The following SMYD3 variants were observed in gnomAD, a reference collection of about 807,000 sequenced individuals.
SMYD3 encodes the protein SET and MYND domain containing 3.
In SMYD3, 36 loss-of-function variants were observed where a neutral mutation model predicts 57.7. The ratio of observed to expected loss-of-function variants is 0.62; its 90% CI spans 0.48 to 0.82. The LOEUF is 0.82. Among genes scored for constraint, SMYD3 ranks in the 40% least tolerant of loss-of-function variants. The pLI, the probability that SMYD3 is intolerant of heterozygous loss-of-function variation, is 0.00. For synonymous variants in SMYD3, 211 were observed against 195.0 expected (o/e 1.08, Z -0.68); for missense variants, 515 against 538.8 (o/e 0.96, Z 0.44).
chr1:246,410,481 T>C (rs2066946517), intron 1 of SMYD3, among the ~76,000 whole-genome samples: 1 of 152,240 alleles, frequency 6.6e-6, no homozygotes, highest in African/African-American at 2.4e-5. Flanking sequence ...ATTTATTGAT[T>C]TTCGTATGTT....
chr1:246,466,866 T>A (rs186080432), intron 1 of SMYD3, among the ~76,000 whole-genome samples: 2,249 of 151,596 alleles, frequency 0.015, 79 homozygotes, highest in Admixed American at 0.087. Flanking sequence ...TAATAATTTT[T>A]AAAATTTTTT....
chr1:246,235,641 C>T (rs567367360), intron 5 of SMYD3, among the ~76,000 whole-genome samples: 7 of 152,262 alleles, frequency 4.6e-5, no homozygotes, highest in Non-Finnish European at 7.4e-5. Flanking sequence ...CCTTCCCCTC[C>T]GCAGCATTCC....
At chr1:246,275,839 T>A (rs1449286408) in intron 5 of SMYD3, among the ~76,000 whole-genome samples, 2 of 151,390 alleles carry the variant, frequency 1.3e-5, no homozygotes, top group Non-Finnish European at 2.9e-5. Flanking sequence ...CTGATGCCCA[T>A]GTTTGAATAC....
At chr1:246,196,918 T>C (rs901050753) in intron 5 of SMYD3, among the ~76,000 whole-genome samples, 3 of 152,064 alleles carry the variant, frequency 2.0e-5, no homozygotes, top group African/African-American at 7.2e-5. Context: ...AAATGGCTGC[T>C]TCTAGGATAT....
chr1:246,063,123 G>A (rs61173792), intron 5 of SMYD3, among the ~76,000 whole-genome samples: 12,112 of 152,176 alleles, frequency 0.08, 1,429 homozygotes, highest in African/African-American at 0.26. Context: ...ACTCACAGCT[G>A]CAGTTTATTA....
intron 1 of SMYD3, among the ~76,000 whole-genome samples, chr1:246,444,490 C>T (rs1228620197): frequency 2.6e-5 from 4 of 152,114 alleles, no homozygotes; most frequent in African/African-American, 9.7e-5. Context: ...CTCCCTGAAG[C>T]AATCAAATAT....
intron 7 of SMYD3, among the ~76,000 whole-genome samples, chr1:245,916,168 G>C (rs984395887): frequency 1.3e-5 from 2 of 152,108 alleles, no homozygotes; most frequent in Admixed American, 6.6e-5. Context: ...GAAAAAAAAG[G>C]GGGGGTAGAA....
intron 5 of SMYD3, among the ~76,000 whole-genome samples, chr1:246,239,169 A>T (rs904225655): frequency 1.3e-5 from 2 of 152,162 alleles, no homozygotes; most frequent in Non-Finnish European, 2.9e-5. Flanking sequence ...ACATATGTAT[A>T]CATGTGCCAT....
intron 5 of SMYD3, among the ~76,000 whole-genome samples, chr1:246,218,224 C>A (rs546124852): frequency 1.5e-5 from 2 of 137,916 alleles, no homozygotes; most frequent in Non-Finnish European, 3.2e-5. Context: ...TACAAGAAAA[C>A]CTGTTAAAAA....
At chr1:246,180,752 T>C in intron 5 of SMYD3, among the ~76,000 whole-genome samples, 1 of 83,912 alleles carries the variant, frequency 1.2e-5, no homozygotes, top group Non-Finnish European at 2.1e-5. Context: ...AGAGCAAGAC[T>C]CTGTCTCAAA....
intron 5 of SMYD3, among the ~76,000 whole-genome samples, chr1:246,023,486 A>G (rs1042598745): frequency 2.6e-5 from 4 of 152,222 alleles, no homozygotes; most frequent in Admixed American, 2.0e-4. Context: ...TTTTCAGTAG[A>G]AAAGAGTTGT....
intron 1 of SMYD3, among the ~76,000 whole-genome samples, chr1:246,495,786 C>CA (rs1413914806): frequency 1.3e-5 from 2 of 150,414 alleles, no homozygotes; most frequent in Non-Finnish European, 3.0e-5. Context: ...CCAAAAATAC[C>CA]AAATAAAAAA....
intron 10 of SMYD3, among the ~76,000 whole-genome samples, chr1:245,814,595 A>G (rs1278292903): frequency 6.6e-6 from 1 of 152,156 alleles, no homozygotes; most frequent in Non-Finnish European, 1.5e-5. Context: ...TTTAAACAAC[A>G]TCTTGATCTT....
chr1:245,894,536 C>G (rs144482983), intron 8 of SMYD3, among the ~76,000 whole-genome samples: 1 of 152,234 alleles, frequency 6.6e-6, no homozygotes, highest in Non-Finnish European at 1.5e-5. Context: ...CGCAAAGGTC[C>G]GCGGCTCCAT....
chr1:245,961,539 A>AAACAGAAG (rs60094354), intron 5 of SMYD3, among the ~76,000 whole-genome samples: 151,833 of 152,272 alleles, frequency 1, 75,699 homozygotes, highest in Middle Eastern at 1. Flanking sequence ...CTGGAGGCCT[A>AAACAGAAG]AATCATCCTT....
chr1:246,170,615 A>G (rs1326305468), intron 5 of SMYD3, among the ~76,000 whole-genome samples: 5 of 152,156 alleles, frequency 3.3e-5, no homozygotes, highest in African/African-American at 1.2e-4. Context: ...AAACGGTAGT[A>G]ATACAAGACT....
chr1:246,234,533 G>A (rs201742732), intron 5 of SMYD3, among the ~76,000 whole-genome samples: 3 of 83,516 alleles, frequency 3.6e-5, no homozygotes, highest in African/African-American at 5.0e-5. Context: ...AATATACACC[G>A]TATAGAGGAG....
At chr1:246,018,174 C>T (rs918040668) in intron 5 of SMYD3, among the ~76,000 whole-genome samples, 10 of 152,178 alleles carry the variant, frequency 6.6e-5, no homozygotes, top group African/African-American at 2.4e-4. Context: ...CAAAGATCTG[C>T]ATCTATGTTT....
chr1:246,267,190 G>C (rs376975961), intron 5 of SMYD3, among the ~76,000 whole-genome samples: 22 of 152,120 alleles, frequency 1.4e-4, no homozygotes, highest in African/African-American at 4.8e-4. Context: ...GGAGCTAAGA[G>C]ATAACGGAAT....
Sources: allele counts gnomAD v4.1 joint callset (sites outside exome capture counted in the v4.1 genomes callset), GRCh38; gene constraint gnomAD v4.1.1; transcripts MANE v1.5; gene names NCBI Gene and HGNC (gene_info 2026-07-23, HGNC 2026-07-21).